The following MSRB3 variants were observed in gnomAD, a reference collection of about 807,000 sequenced individuals.
The protein encoded by MSRB3 is methionine-R-sulfoxide reductase B3.
MSRB3 carries 13 observed loss-of-function variants against 21.0 expected under a neutral mutation model. The observed-to-expected ratio is 0.62, with a 90% CI of 0.40 to 0.98. The LOEUF is 0.98. MSRB3 is among the 50% of genes least tolerant of loss of function. The pLI is 0.00. For synonymous variants in MSRB3, 87 were observed against 88.6 expected (o/e 0.98, Z 0.10); for missense variants, 199 against 230.3 (o/e 0.86, Z 0.88).
intron 1 of MSRB3, among the ~76,000 whole-genome samples, chr12:65,304,280 G>T (rs777225846): frequency 3.8e-4 from 58 of 152,250 alleles, no homozygotes; most frequent in Non-Finnish European, 7.5e-4. Flanking sequence ...ATGGTTTGGA[G>T]AACCCTGTGA....
intron 5 of MSRB3, among the ~76,000 whole-genome samples, chr12:65,417,334 A>G (rs1363970796): frequency 2.0e-5 from 3 of 152,214 alleles, no homozygotes; most frequent in African/African-American, 7.2e-5. Context: ...ATAATAGATT[A>G]AAATAGCTTA....
chr12:65,397,940 A>G (rs967131998), intron 5 of MSRB3, among the ~76,000 whole-genome samples: 3 of 152,184 alleles, frequency 2.0e-5, no homozygotes, highest in East Asian at 3.8e-4. Context: ...ACATAAACTC[A>G]TCCTTTTTTA....
chr12:65,400,918 G>C (rs905249675), intron 5 of MSRB3, among the ~76,000 whole-genome samples: 2 of 152,200 alleles, frequency 1.3e-5, no homozygotes, highest in African/African-American at 4.8e-5. Context: ...TAGTTGTACA[G>C]TTGTGAGTGA....
chr12:65,427,281 GTC>G (rs1337897182), intron 5 of MSRB3, among the ~76,000 whole-genome samples: 1 of 152,148 alleles, frequency 6.6e-6, no homozygotes. Context: ...AGCTGTGTAT[GTC>G]TCTGCAGCTC....
At chr12:65,389,137 C>T (rs770484184) in intron 5 of MSRB3, among the ~76,000 whole-genome samples, 2 of 152,132 alleles carry the variant, frequency 1.3e-5, no homozygotes, top group Non-Finnish European at 2.9e-5. Context: ...GCAGAAGTCT[C>T]ACCCTTCAAC....
intron 5 of MSRB3, among the ~76,000 whole-genome samples, chr12:65,395,303 C>A (rs560641377): frequency 6.6e-6 from 1 of 152,076 alleles, no homozygotes; most frequent in East Asian, 1.9e-4. Context: ...CCTGTCACTA[C>A]TAAAAATACA....
At position 65,278,815 on chromosome 12, in the gene MSRB3, C is replaced by CCCTCTG. The variant is rs766079069; in HGVS notation, c.-86_-81dup. 9.2e-5 allele frequency: 144 copies of CCCTCTG among 1,570,936 alleles called. No individual in the cohort carries two copies. The highest frequency in any genetic ancestry group is 1.1e-4 in the Non-Finnish European group (123 of 1,158,344). On this transcript the variant is annotated 5_prime_UTR_variant, in exon 1 of 7. Transcript: ENST00000308259. ...CCGCGCCCCCTCTCGCTCTGCCTCT[C>CCCTCTG]CCTCTGCCTCTGCCTCTGCCTGGCC... is the stretch of plus-strand genomic sequence containing the variant.
intron 5 of MSRB3, among the ~76,000 whole-genome samples, chr12:65,451,224 A>T (rs1882844893): frequency 6.6e-6 from 1 of 152,210 alleles, no homozygotes; most frequent in Non-Finnish European, 1.5e-5. Context: ...GCAAAGAGAC[A>T]TTGTGAGTTT....
intron 5 of MSRB3, among the ~76,000 whole-genome samples, chr12:65,420,744 T>C (rs1047955650): frequency 1.3e-5 from 2 of 152,170 alleles, no homozygotes; most frequent in African/African-American, 2.4e-5. Flanking sequence ...TTTTCTGTTC[T>C]TGTGTGCTAA....
At chr12:65,307,326 A>G (rs1873713117) in intron 1 of MSRB3, among the ~76,000 whole-genome samples, 1 of 152,160 alleles carries the variant, frequency 6.6e-6, no homozygotes. Flanking sequence ...AGTTTGGGGA[A>G]GTCAGAGTTC....
At chr12:65,450,974 T>TA (rs1219126532) in intron 5 of MSRB3, among the ~76,000 whole-genome samples, 1 of 151,944 alleles carries the variant, frequency 6.6e-6, no homozygotes, top group African/African-American at 2.4e-5. Context: ...ATTAAGTACT[T>TA]ACCTTTCTGA....
rs762138861 is a variant in MSRB3 at position 65,326,940 on chromosome 12, G to T, written c.185+6G>T. On this transcript the variant is annotated splice_donor_region_variant and intron_variant, in intron 3 of 6. Coordinates refer to ENST00000308259, the MANE Select transcript of MSRB3 (RefSeq NM_001031679.3). ...CAGGAGAAAGGGACCGAAAGGTAAG[G>T]TGAGCTTTAATAAAAAGTCATTAAG... 2 of 1,607,514 alleles carry T rather than the reference G, an allele frequency of 1.2e-6. No individual in the cohort carries two copies. The highest frequency in any genetic ancestry group is 1.1e-5 in the South Asian group (1 of 90,590).
intron 4 of MSRB3, among the ~76,000 whole-genome samples, chr12:65,348,805 T>G (rs928558905): frequency 3.3e-5 from 5 of 152,214 alleles, no homozygotes; most frequent in African/African-American, 1.2e-4. Flanking sequence ...CTCATTGGTT[T>G]CAAAGAACAT....
chr12:65,344,684 A>AT (rs1876371242), intron 4 of MSRB3, among the ~76,000 whole-genome samples: 3 of 151,904 alleles, frequency 2.0e-5, no homozygotes, highest in Non-Finnish European at 2.9e-5. Context: ...GTGAAGAGAC[A>AT]TTTTTTTACT....
chr12:65,383,524 T>A (rs925379227), intron 5 of MSRB3, among the ~76,000 whole-genome samples: 1 of 152,180 alleles, frequency 6.6e-6, no homozygotes, highest in East Asian at 1.9e-4. Flanking sequence ...AATTTAAGTG[T>A]TGATTCAACA....
chr12:65,421,803 T>C (rs1251426451), intron 5 of MSRB3, among the ~76,000 whole-genome samples: 1 of 152,136 alleles, frequency 6.6e-6, no homozygotes, highest in Non-Finnish European at 1.5e-5. Flanking sequence ...CTAGTGACAC[T>C]ACAGGGCAAC....
chr12:65,462,624 T>C (rs1217512940), intron 6 of MSRB3, among the ~76,000 whole-genome samples: 1 of 152,248 alleles, frequency 6.6e-6, no homozygotes, highest in Non-Finnish European at 1.5e-5. Context: ...GTGACATAAA[T>C]CTATTGAGCC....
intron 5 of MSRB3, among the ~76,000 whole-genome samples, chr12:65,442,653 C>A (rs1344487074): frequency 6.6e-6 from 1 of 152,042 alleles, no homozygotes; most frequent in East Asian, 1.9e-4. Context: ...TAATGGATGC[C>A]TCACTGGACT....
chr12:65,280,055 C>G (rs1255794324), intron 1 of MSRB3, among the ~76,000 whole-genome samples: 1 of 151,954 alleles, frequency 6.6e-6, no homozygotes, highest in Non-Finnish European at 1.5e-5. Flanking sequence ...TCTGGTTTAT[C>G]TCTTCATATT....
Sources: allele counts gnomAD v4.1 joint callset (sites outside exome capture counted in the v4.1 genomes callset), GRCh38; gene constraint gnomAD v4.1.1; transcripts MANE v1.5; gene names NCBI Gene and HGNC (gene_info 2026-07-23, HGNC 2026-07-21).